SUGCT: variants seen among roughly 807,000 people sequenced by gnomAD.
SUGCT encodes the protein succinyl-CoA:glutarate-CoA transferase.
In SUGCT, 41 loss-of-function variants were observed where a neutral mutation model predicts 55.0. The observed-to-expected ratio is 0.74, with a 90% confidence interval of 0.58 to 0.97. The LOEUF (loss-of-function observed/expected upper bound fraction) is 0.97. SUGCT is among the 50% of genes least tolerant of loss of function. SUGCT has a pLI of 0.00. For missense variants in SUGCT, 568 were observed against 547.8 expected (o/e 1.04, Z -0.37); for synonymous variants, 187 against 200.4 (o/e 0.93, Z 0.56).
intron 13 of SUGCT, among the ~76,000 whole-genome samples, chr7:40,830,679 C>T (rs1263363556): frequency 6.6e-6 from 1 of 152,148 alleles, no homozygotes; most frequent in East Asian, 1.9e-4. Context: ...ATAGTAGGCA[C>T]TCAACACACA....
At chr7:40,823,758 A>G (rs970875672) in intron 13 of SUGCT, among the ~76,000 whole-genome samples, 11 of 152,174 alleles carry the variant, frequency 7.2e-5, no homozygotes, top group African/African-American at 2.7e-4. Context: ...GGTGGCATGT[A>G]TACTTAAATT....
At chr7:40,642,870 A>G (rs1052465095) in intron 12 of SUGCT, among the ~76,000 whole-genome samples, 8 of 152,096 alleles carry the variant, frequency 5.3e-5, no homozygotes, top group African/African-American at 1.9e-4. Flanking sequence ...TGAGGGCAAT[A>G]TGGTCGAATT....
intron 13 of SUGCT, among the ~76,000 whole-genome samples, chr7:40,855,914 A>T (rs1179741276): frequency 6.6e-6 from 1 of 152,204 alleles, no homozygotes; most frequent in Admixed American, 6.5e-5. Flanking sequence ...ATGCTAGCTA[A>T]ATGCTAGCTG....
At chr7:40,913,891 T>C in the SUGCT span, among the ~76,000 whole-genome samples, 21 of 152,128 alleles carry the variant, frequency 1.4e-4, no homozygotes, top group Non-Finnish European at 2.8e-4. Context: ...TTCCATTCAC[T>C]ATAGAAAATC....
chr7:40,234,860 G>A (rs1788921150), intron 6 of SUGCT, among the ~76,000 whole-genome samples: 4 of 151,800 alleles, frequency 2.6e-5, no homozygotes, highest in Admixed American at 2.0e-4. Context: ...GGTGAGCCCC[G>A]ACGGTGCCAC....
chr7:40,405,622 C>A (rs1047072424), intron 9 of SUGCT, among the ~76,000 whole-genome samples: 1 of 151,900 alleles, frequency 6.6e-6, no homozygotes. Context: ...CCAGCCTGGC[C>A]AACATGGCAA....
chr7:40,229,560 C>A (rs183167543), intron 6 of SUGCT, among the ~76,000 whole-genome samples: 425 of 151,738 alleles, frequency 2.8e-3, no homozygotes, highest in African/African-American at 9.4e-3. Context: ...CACCTGTAAT[C>A]TCAGCACTTT....
In SUGCT at chr7:40,449,184, CAT is replaced by C. The variant is rs72556797; in HGVS notation, c.817-102_817-101del. 8,714 of 696,592 alleles carry C rather than the reference CAT, an allele frequency of 0.013. 533 individuals carry two copies. The African/African-American group carries it at 0.14, about 11-fold the overall frequency. The allele number at this position is 696,592 out of a possible 1,614,324, so 43.2% of individuals were successfully genotyped here. On this transcript the variant is annotated intron_variant, in intron 9 of 13. Coordinates refer to ENST00000335693, the MANE Select transcript of SUGCT (RefSeq NM_001193313.2). ...AAATTAATCGATATTGAATTAATAA[CAT>C]TGCTTTAGAACAAGCTTTCTATATA... is the stretch of plus-strand genomic sequence containing the variant.
intron 12 of SUGCT, among the ~76,000 whole-genome samples, chr7:40,571,921 G>A (rs574250178): frequency 2.6e-5 from 4 of 152,322 alleles, no homozygotes; most frequent in African/African-American, 9.6e-5. Flanking sequence ...CCTCAGCAAA[G>A]TATTTGCAAA....
At chr7:40,364,182 T>A (rs2151230444) in intron 9 of SUGCT, among the ~76,000 whole-genome samples, 1 of 152,256 alleles carries the variant, frequency 6.6e-6, no homozygotes, top group South Asian at 2.1e-4. Context: ...TCTTCCTACA[T>A]CCTTTTATTT....
intron 9 of SUGCT, among the ~76,000 whole-genome samples, chr7:40,319,877 C>G (rs1795632939): frequency 6.6e-6 from 1 of 152,016 alleles, no homozygotes. Context: ...GGCTGGAGTG[C>G]AGTGGTGTGA....
At chr7:40,508,302 C>T (rs1386688553) in intron 12 of SUGCT, among the ~76,000 whole-genome samples, 1 of 152,124 alleles carries the variant, frequency 6.6e-6, no homozygotes, top group African/African-American at 2.4e-5. Flanking sequence ...GCCTGCCGTG[C>T]CTAAGGTAGA....
chr7:40,438,201 A>T (rs1207043043), intron 9 of SUGCT, among the ~76,000 whole-genome samples: 2 of 152,118 alleles, frequency 1.3e-5, no homozygotes, highest in African/African-American at 4.8e-5. Context: ...GACCTTCTCA[A>T]TTCCCCGCCT....
In SUGCT at chr7:40,641,728, A is replaced by G. The variant is rs1302130161; in HGVS notation, c.1090-107706A>G. Among the ~76,000 whole-genome samples, 5 of 152,194 alleles carry G rather than the reference A, an allele frequency of 3.3e-5. No homozygotes were observed. In the East Asian group the frequency reaches 9.6e-4, roughly 29 times the overall value. On this transcript the variant is annotated intron_variant, in intron 12 of 13. Transcript: ENST00000335693. The stretch of plus-strand genomic sequence containing the variant: ...TTCCATGTGTAAAGGTTTCCCCTTT[A>G]TCATCTTACCTTCTCTGTCCTTCAG...
At chr7:40,937,688 T>A in the SUGCT span, among the ~76,000 whole-genome samples, 1 of 152,226 alleles carries the variant, frequency 6.6e-6, no homozygotes, top group Non-Finnish European at 1.5e-5. Flanking sequence ...TCTGAACGTC[T>A]ATTTTGCCTG....
rs900459170 is a variant in SUGCT at position 40,647,997 on chromosome 7, G to A, written c.1090-101437G>A. ...CATTGATTCAATCCCTTCAAAAAGC[G>A]CAGATGCATATTCACAACTATCAGA... is the stretch of plus-strand genomic sequence containing the variant. On this transcript the variant is annotated intron_variant, in intron 12 of 13. Transcript: ENST00000335693. Among the ~76,000 whole-genome samples, 20 of 152,170 alleles carry A rather than the reference G, an allele frequency of 1.3e-4. No individual in the cohort carries two copies. In the East Asian group the frequency reaches 1.9e-3, roughly 15 times the overall value.
At chr7:40,810,370 T>A (rs1040106813) in intron 13 of SUGCT, among the ~76,000 whole-genome samples, 1 of 152,192 alleles carries the variant, frequency 6.6e-6, no homozygotes, top group Non-Finnish European at 1.5e-5. Context: ...CTGAACTAAT[T>A]TACATTCCCG....
chr7:40,964,426 T>C, the SUGCT span, among the ~76,000 whole-genome samples: 1 of 152,224 alleles, frequency 6.6e-6, no homozygotes, highest in African/African-American at 2.4e-5. Context: ...AAGAGACAAG[T>C]CTCTGAGACC....
chr7:40,335,454 G>A (rs1796631012), intron 9 of SUGCT, among the ~76,000 whole-genome samples: 2 of 151,658 alleles, frequency 1.3e-5, no homozygotes, highest in Non-Finnish European at 2.9e-5. Flanking sequence ...TCCTTGAAGA[G>A]GTCCTTCACA....
Sources: gnomAD v4.1 joint callset for allele counts (sites outside exome capture counted in the v4.1 genomes callset) on GRCh38, gnomAD v4.1.1 for gene constraint, MANE v1.5 for transcripts, NCBI Gene and HGNC (gene_info 2026-07-23, HGNC 2026-07-21) for gene names.